The following MRPL1 variants were observed in gnomAD, a reference collection of about 807,000 sequenced individuals.
The protein encoded by MRPL1 is large ribosomal subunit protein uL1m.
In MRPL1, 28 loss-of-function variants were observed where a neutral mutation model predicts 38.0. The ratio of observed to expected loss-of-function variants is 0.74; its 90% CI spans 0.55 to 1.01. MRPL1 has a LOEUF of 1.01. MRPL1 is among the 50% of genes least tolerant of loss of function. The pLI is 0.00. For missense variants in MRPL1, 358 were observed against 389.8 expected, an observed-to-expected ratio of 0.92 and a Z score of 0.69; for synonymous variants, 123 against 126.7, an observed-to-expected ratio of 0.97 and a Z score of 0.20.
intron 2 of MRPL1, among the ~76,000 whole-genome samples, chr4:77,872,362 T>C (rs1384018886): frequency 6.6e-6 from 1 of 152,182 alleles, no homozygotes; most frequent in Non-Finnish European, 1.5e-5. Flanking sequence ...TTATACATCA[T>C]GTATTAGAGG....
chr4:77,952,756 T>A lies in MRPL1; in HGVS notation c.*149T>A. 1.7e-6 allele frequency: 1 copy of A among 582,902 alleles called. No homozygotes were observed. Among genetic ancestry groups the A allele is most frequent in the Non-Finnish European group, 2.9e-6 (1 of 340,382 alleles). The allele number at this position is 582,902 out of a possible 1,614,324, so 36.1% of individuals were successfully genotyped here. A position where few individuals can be genotyped will look rare whatever the true frequency, so the allele number is the denominator to read the frequency against. Reference sequence around the variant, plus strand: ...AAAAATCGTACAGTCATTTCAAGAATAAGAAAATAAAATTTTCTCTTTGTC... The same window carrying A: ...AAAAATCGTACAGTCATTTCAAGAAAAAGAAAATAAAATTTTCTCTTTGTC... On this transcript the variant is annotated 3_prime_UTR_variant, in exon 9 of 9. Transcript: ENST00000315567.
At chr4:77,869,540 A>T (rs1578036251) in intron 1 of MRPL1, among the ~76,000 whole-genome samples, 1 of 152,052 alleles carries the variant, frequency 6.6e-6, no homozygotes, top group South Asian at 2.1e-4. Flanking sequence ...TCTGGTTGTC[A>T]TGACTGATAG....
intron 7 of MRPL1, among the ~76,000 whole-genome samples, chr4:77,948,802 C>T (rs543032205): frequency 7.0e-6 from 1 of 142,312 alleles, no homozygotes; most frequent in Non-Finnish European, 1.5e-5. Context: ...CAGAGTTTTG[C>T]TCTTGTCGCC....
intron 7 of MRPL1, among the ~76,000 whole-genome samples, chr4:77,929,722 G>GT (rs1341600251): frequency 2.6e-5 from 4 of 151,286 alleles, no homozygotes; most frequent in African/African-American, 9.7e-5. Flanking sequence ...TCCGTGGCCT[G>GT]TTTTTGTATG....
At chr4:77,867,897 T>C (rs1485516007) in intron 1 of MRPL1, among the ~76,000 whole-genome samples, 12 of 149,270 alleles carry the variant, frequency 8.0e-5, no homozygotes, top group Admixed American at 3.3e-4. Flanking sequence ...GCTGAGACTA[T>C]AGGCGCCCGC....
intron 1 of MRPL1, among the ~76,000 whole-genome samples, chr4:77,863,350 C>A (rs1371761874): frequency 6.6e-6 from 1 of 151,900 alleles, no homozygotes; most frequent in Non-Finnish European, 1.5e-5. Flanking sequence ...TAATTTGGAT[C>A]AACGTTTATC....
At chr4:77,939,774 C>T (rs1012276159) in intron 7 of MRPL1, among the ~76,000 whole-genome samples, 2 of 152,128 alleles carry the variant, frequency 1.3e-5, no homozygotes, top group Non-Finnish European at 2.9e-5. Flanking sequence ...TGCCAGTTAT[C>T]CCAGCACTAT....
rs913039123 is a variant in MRPL1 at position 77,904,012 on chromosome 4, G to A, written c.671-5254G>A. On this transcript the variant is annotated intron_variant, in intron 6 of 8. Coordinates refer to ENST00000315567, the MANE Select transcript of MRPL1 (RefSeq NM_020236.4). ...TGTAATACCAGTACTTTGGGAGGCC[G>A]AGGCAGGACGGTTTCGTGAGTTCAG... Among the ~76,000 whole-genome samples, 8 of 152,002 alleles carry A rather than the reference G, an allele frequency of 5.3e-5. No homozygotes were observed. The South Asian group carries it at 6.2e-4, about 12-fold the overall frequency.
chr4:77,951,875 C>G (rs1737419484), intron 8 of MRPL1, among the ~76,000 whole-genome samples: 1 of 152,174 alleles, frequency 6.6e-6, no homozygotes, highest in Non-Finnish European at 1.5e-5. Context: ...CACCTATGCT[C>G]TGACCTGCCA....
chr4:77,930,694 A>G (rs1222895524), intron 7 of MRPL1, among the ~76,000 whole-genome samples: 1 of 152,208 alleles, frequency 6.6e-6, no homozygotes, highest in Non-Finnish European at 1.5e-5. Context: ...CAGGCTTTAT[A>G]ATGGCAGGTA....
At chr4:77,881,816 T>C (rs1735548493) in intron 2 of MRPL1, among the ~76,000 whole-genome samples, 1 of 152,188 alleles carries the variant, frequency 6.6e-6, no homozygotes, top group African/African-American at 2.4e-5. Context: ...CTGGTTCAGG[T>C]TCTCATATCT....
chr4:77,901,007 G>T (rs1736023275), intron 6 of MRPL1, among the ~76,000 whole-genome samples: 3 of 151,442 alleles, frequency 2.0e-5, no homozygotes, highest in Admixed American at 2.0e-4. Flanking sequence ...TAAGGGAGGG[G>T]GAAGGATCTA....
chr4:77,920,302 G>T (rs1736537892), intron 7 of MRPL1, among the ~76,000 whole-genome samples: 1 of 152,028 alleles, frequency 6.6e-6, no homozygotes, highest in African/African-American at 2.4e-5. Context: ...ATATACAAAT[G>T]AAGCCTTTTA....
intron 8 of MRPL1, among the ~76,000 whole-genome samples, chr4:77,952,142 C>T (rs1194648234): frequency 6.6e-6 from 1 of 152,168 alleles, no homozygotes; most frequent in African/African-American, 2.4e-5. Context: ...TAAGTCACCA[C>T]CACTATGACT....
intron 7 of MRPL1, among the ~76,000 whole-genome samples, chr4:77,931,386 T>C (rs1227589863): frequency 6.6e-6 from 1 of 152,176 alleles, no homozygotes; most frequent in Non-Finnish European, 1.5e-5. Context: ...AGAAGCTGCA[T>C]TCGAAAGGTG....
At chr4:77,871,650 T>C in intron 1 of MRPL1, 94 bp from the exon 2 acceptor site, 1 of 598,518 alleles carries the variant, frequency 1.7e-6, no homozygotes, top group Non-Finnish European at 2.8e-6. Flanking sequence ...AAATATTGAA[T>C]GTTTTCATTT....
chr4:77,895,106 A>G (rs914007050), intron 6 of MRPL1, among the ~76,000 whole-genome samples: 2 of 152,146 alleles, frequency 1.3e-5, no homozygotes, highest in Admixed American at 6.5e-5. Flanking sequence ...GCTAATGAGC[A>G]TGAACATCTG....
chr4:77,868,034 A>G lies in MRPL1; in HGVS notation c.32-3710A>G, dbSNP rs1447046463. Among the ~76,000 whole-genome samples, 10 of 150,008 alleles carry G rather than the reference A, an allele frequency of 6.7e-5. No individual in the cohort carries two copies. The South Asian group carries it at 8.4e-4, about 13-fold the overall frequency. The stretch of plus-strand genomic sequence containing the variant: ...GCCCCCCAAAGTGCTGGGATTACAG[A>G]CATGAGCCACCGCGCCTGGCCAGTT... On this transcript the variant is annotated intron_variant, in intron 1 of 8. Transcript: ENST00000315567.
At chr4:77,924,308 C>T (rs1239856966) in intron 7 of MRPL1, among the ~76,000 whole-genome samples, 2 of 152,018 alleles carry the variant, frequency 1.3e-5, no homozygotes, top group East Asian at 3.9e-4. Flanking sequence ...TTTCTGTGCT[C>T]AAGAGCAGTT....
Sources: gnomAD v4.1 joint callset for allele counts (sites outside exome capture counted in the v4.1 genomes callset) on GRCh38, gnomAD v4.1.1 for gene constraint, MANE v1.5 for transcripts, NCBI Gene and HGNC (gene_info 2026-07-23, HGNC 2026-07-21) for gene names.